Variants in KCTD16 observed in about 807,000 individuals in gnomAD.
The protein encoded by KCTD16 is potassium channel tetramerization domain containing 16.
In KCTD16, 13 loss-of-function variants were observed where a neutral mutation model predicts 33.2. The ratio of observed to expected loss-of-function variants is 0.39; its 90% CI spans 0.25 to 0.62. The LOEUF is 0.62. Ranked by LOEUF, KCTD16 falls within the 20% of genes least tolerant of loss-of-function variation. KCTD16 has a pLI of 0.50. For synonymous variants in KCTD16, 197 were observed against 195.3 expected, an observed-to-expected ratio of 1.01 and a Z score of -0.07; for missense variants, 441 against 525.1, an observed-to-expected ratio of 0.84 and a Z score of 1.57.
At chr5:144,282,750 C>T (rs1335648411) in intron 3 of KCTD16, among the ~76,000 whole-genome samples, 1 of 152,022 alleles carries the variant, frequency 6.6e-6, no homozygotes, top group African/African-American at 2.4e-5. Flanking sequence ...TTTATGTAGC[C>T]CAGTCTTATG....
At chr5:144,251,169 T>G (rs1288738813) in intron 3 of KCTD16, among the ~76,000 whole-genome samples, 6 of 152,090 alleles carry the variant, frequency 3.9e-5, no homozygotes, top group African/African-American at 4.8e-5. Flanking sequence ...AGGCGAAGCT[T>G]GAAGAATTAA....
intron 3 of KCTD16, among the ~76,000 whole-genome samples, chr5:144,402,793 T>TA (rs1752731673): frequency 6.6e-6 from 1 of 152,198 alleles, no homozygotes; most frequent in South Asian, 2.1e-4. Context: ...ATCTGGTTTT[T>TA]AAAATTACCT....
chr5:144,359,259 A>G (rs1751647896), intron 3 of KCTD16, among the ~76,000 whole-genome samples: 1 of 152,188 alleles, frequency 6.6e-6, no homozygotes, highest in Non-Finnish European at 1.5e-5. Flanking sequence ...TGTTCATTAT[A>G]AACACTTCAG....
intron 2 of KCTD16, among the ~76,000 whole-genome samples, chr5:144,177,377 G>A (rs1726367420): frequency 6.6e-6 from 1 of 152,196 alleles, no homozygotes; most frequent in Non-Finnish European, 1.5e-5. Flanking sequence ...GTTTCCTAGG[G>A]ATGCTGTAAC....
At chr5:144,336,816 A>G (rs1246938521) in intron 3 of KCTD16, among the ~76,000 whole-genome samples, 1 of 152,076 alleles carries the variant, frequency 6.6e-6, no homozygotes. Context: ...TACACACATC[A>G]TACCCACACA....
intron 3 of KCTD16, among the ~76,000 whole-genome samples, chr5:144,468,650 C>T (rs202120085): frequency 6.6e-6 from 1 of 152,170 alleles, no homozygotes; most frequent in Non-Finnish European, 1.5e-5. Flanking sequence ...GACTTTTCAA[C>T]TGGGATACCA....
chr5:144,456,128 C>T (rs115545430), intron 3 of KCTD16, among the ~76,000 whole-genome samples: 3 of 152,024 alleles, frequency 2.0e-5, no homozygotes, highest in African/African-American at 7.3e-5. Flanking sequence ...TAACCCTTTT[C>T]TCTAGGTATA....
At chr5:144,321,416 C>T (rs891084818) in intron 3 of KCTD16, among the ~76,000 whole-genome samples, 5 of 152,048 alleles carry the variant, frequency 3.3e-5, no homozygotes, top group Admixed American at 2.6e-4. Flanking sequence ...CTTATGAACC[C>T]TAGATTTTGG....
At chr5:144,216,214 C>A (rs1351415898) in intron 3 of KCTD16, among the ~76,000 whole-genome samples, 2 of 152,168 alleles carry the variant, frequency 1.3e-5, no homozygotes, top group African/African-American at 4.8e-5. Flanking sequence ...ATGTCACTGA[C>A]AATAGGATCA....
intron 3 of KCTD16, among the ~76,000 whole-genome samples, chr5:144,337,684 G>T (rs993542308): frequency 1.7e-4 from 26 of 152,098 alleles, no homozygotes; most frequent in African/African-American, 6.0e-4. Context: ...GTAATAATTT[G>T]CTTTTGTGAA....
intron 3 of KCTD16, among the ~76,000 whole-genome samples, chr5:144,213,932 C>T (rs1383107313): frequency 6.6e-6 from 1 of 152,152 alleles, no homozygotes; most frequent in Admixed American, 6.5e-5. Flanking sequence ...GCCTGCTGAG[C>T]TTACCAAGAT....
chr5:144,211,314 C>T (rs182940455), intron 3 of KCTD16, among the ~76,000 whole-genome samples: 28 of 152,202 alleles, frequency 1.8e-4, no homozygotes, highest in Admixed American at 1.2e-3. Flanking sequence ...AATGCATCTA[C>T]CCTAAGATTA....
chr5:144,421,901 G>A (rs151001032), intron 3 of KCTD16, among the ~76,000 whole-genome samples: 2 of 152,100 alleles, frequency 1.3e-5, no homozygotes, highest in East Asian at 3.9e-4. Context: ...TAGAATTTGG[G>A]TCATCTTACC....
intron 3 of KCTD16, among the ~76,000 whole-genome samples, chr5:144,272,945 A>G (rs1755340544): frequency 1.3e-5 from 2 of 152,194 alleles, no homozygotes; most frequent in African/African-American, 4.8e-5. Flanking sequence ...GCATAACATC[A>G]AAGGCATAGG....
chr5:144,380,923 G>A (rs1752199171), intron 3 of KCTD16, among the ~76,000 whole-genome samples: 1 of 152,078 alleles, frequency 6.6e-6, no homozygotes, highest in African/African-American at 2.4e-5. Flanking sequence ...TCATGACAAA[G>A]TCTCCACAAA....
intron 3 of KCTD16, among the ~76,000 whole-genome samples, chr5:144,376,823 G>T (rs1169683272): frequency 6.6e-6 from 1 of 152,150 alleles, no homozygotes; most frequent in African/African-American, 2.4e-5. Flanking sequence ...TATAAACTGG[G>T]AATCAATCTC....
At chr5:144,233,409 C>T (rs1754162244) in intron 3 of KCTD16, among the ~76,000 whole-genome samples, 1 of 152,058 alleles carries the variant, frequency 6.6e-6, no homozygotes, top group South Asian at 2.1e-4. Flanking sequence ...CTGTTTCCAT[C>T]TGATTTTTGT....
chr5:144,299,234 A>T (rs1325046017), intron 3 of KCTD16, among the ~76,000 whole-genome samples: 1 of 144,798 alleles, frequency 6.9e-6, no homozygotes, highest in Admixed American at 7.1e-5. Context: ...CTTTGACAAA[A>T]ATCTTCAACC....
intron 3 of KCTD16, among the ~76,000 whole-genome samples, chr5:144,216,178 A>C (rs1753557238): frequency 6.6e-6 from 1 of 152,234 alleles, no homozygotes. Flanking sequence ...ATTCCCTTTC[A>C]TGGTGACAGA....
Sources: allele counts gnomAD v4.1 joint callset (sites outside exome capture counted in the v4.1 genomes callset), GRCh38; gene constraint gnomAD v4.1.1; transcripts MANE v1.5; gene names NCBI Gene and HGNC (gene_info 2026-07-23, HGNC 2026-07-21).